Variants in TPTE2 observed in about 807,000 individuals in gnomAD.
TPTE2 encodes phosphatidylinositol 3,4,5-trisphosphate 3-phosphatase TPTE2.
In TPTE2, 53 loss-of-function variants were observed where a neutral mutation model predicts 78.6. The ratio of observed to expected loss-of-function variants is 0.67; its 90% CI spans 0.54 to 0.85. The LOEUF (loss-of-function observed/expected upper bound fraction) is 0.85, where lower values mean the gene tolerates loss of function less well. TPTE2 is among the 40% of genes least tolerant of loss of function. The pLI is 0.00. For missense variants in TPTE2, 461 were observed against 623.0 expected (o/e 0.74, Z 2.77); for synonymous variants, 175 against 206.2 (o/e 0.85, Z 1.30).
chr13:19,479,639 C>CA (rs1352164702), intron 4 of TPTE2, among the ~76,000 whole-genome samples: 1 of 152,060 alleles, frequency 6.6e-6, no homozygotes, highest in East Asian at 1.9e-4. Flanking sequence ...TTACATGTGA[C>CA]AAAAACTAAA....
At chr13:19,503,976 G>A (rs1593405552), upstream of TPTE2, among the ~76,000 whole-genome samples, 1 of 151,882 alleles carries the variant, frequency 6.6e-6, no homozygotes, top group African/African-American at 2.4e-5. Context: ...TCCTGATCTC[G>A]TGATCCACCC....
the TPTE2 span, among the ~76,000 whole-genome samples, chr13:19,561,504 T>C: frequency 4.0e-5 from 6 of 151,748 alleles, no homozygotes; most frequent in Non-Finnish European, 8.8e-5. Context: ...CGCTACCAGG[T>C]TATCAGGAAG....
chr13:19,492,976 T>C (rs1881088320), intron 2 of TPTE2, 73 bp from the exon 6 acceptor site: 2 of 1,590,022 alleles, frequency 1.3e-6, no homozygotes, highest in Admixed American at 3.4e-5. Flanking sequence ...AAATTAGCTT[T>C]TATTACTCTA....
chr13:19,492,356 T>C (rs1482338131), intron 3 of TPTE2, among the ~76,000 whole-genome samples: 1 of 152,178 alleles, frequency 6.6e-6, no homozygotes, highest in Non-Finnish European at 1.5e-5. Flanking sequence ...TCTGTTCTTT[T>C]TTTCCCAGGG....
intron 10 of TPTE2, chr13:19,458,585 A>G (rs1878689478): frequency 8.9e-6 from 4 of 449,460 alleles, no homozygotes; most frequent in Non-Finnish European, 1.8e-5. Context: ...AGATAATCCA[A>G]TGGCCTGACC....
chr13:19,530,006 A>G (rs1410755549), intron 1 of TPTE2, among the ~76,000 whole-genome samples: 2 of 152,046 alleles, frequency 1.3e-5, no homozygotes, highest in African/African-American at 4.8e-5. Flanking sequence ...TACCACTCCA[A>G]CATTCCTGCA....
At chr13:19,455,961 T>G (rs1479853943) in intron 10 of TPTE2, among the ~76,000 whole-genome samples, 2 of 152,164 alleles carry the variant, frequency 1.3e-5, no homozygotes, top group Non-Finnish European at 2.9e-5. Context: ...TGAAATTCTT[T>G]CCACGTGGGT....
intron 13 of TPTE2, among the ~76,000 whole-genome samples, chr13:19,446,483 C>T (rs1877844282): frequency 6.6e-6 from 1 of 152,102 alleles, no homozygotes; most frequent in Admixed American, 6.6e-5. Context: ...CCCCCAACTT[C>T]CAATTAGATT....
chr13:19,551,327 C>T, the TPTE2 span, among the ~76,000 whole-genome samples: 3 of 152,102 alleles, frequency 2.0e-5, no homozygotes, highest in Admixed American at 6.5e-5. Context: ...TGGTGGTTCA[C>T]GCCTGTAATC....
intron 1 of TPTE2, among the ~76,000 whole-genome samples, chr13:19,498,316 C>T (rs1045404016): frequency 2.0e-5 from 3 of 150,984 alleles, no homozygotes; most frequent in African/African-American, 4.9e-5. Flanking sequence ...AGATACTCCT[C>T]GAGAAGAGCA....
chr13:19,437,038 G>GACACACACACACAC lies in TPTE2; in HGVS notation c.1036-746_1036-733dup, dbSNP rs376691875. On this transcript the variant is annotated intron_variant, in intron 14 of 19. Coordinates refer to ENST00000400230, the Ensembl canonical transcript of TPTE2. Reference sequence around the variant, plus strand: ...GCAATCCACATTAATAAACCTAGGAGACACACACACACACACACACACACA... The same window carrying GACACACACACACAC: ...GCAATCCACATTAATAAACCTAGGAGACACACACACACACACACACACACACACACACACACACA... 6.8e-3 allele frequency among the ~76,000 whole-genome samples: 996 copies of GACACACACACACAC among 145,834 alleles called. 8 individuals carry two copies. Among genetic ancestry groups the GACACACACACACAC allele is most frequent in the Admixed American group, 9.4e-3 (136 of 14,488 alleles).
At chr13:19,428,257 T>G (rs1876294239) in intron 17 of TPTE2, among the ~76,000 whole-genome samples, 1 of 152,118 alleles carries the variant, frequency 6.6e-6, no homozygotes, top group African/African-American at 2.4e-5. Flanking sequence ...GAGACCAGCC[T>G]GACCAACATG....
chr13:19,464,516 A>G, exon 10 of TPTE2: 2 of 1,612,682 alleles, frequency 1.2e-6, no homozygotes, highest in Non-Finnish European at 1.7e-6. Flanking sequence ...TAGCAATAAT[A>G]CGTTCTGAAA....
At chr13:19,560,426 C>T in the TPTE2 span, 92 of 1,608,654 alleles carry the variant, frequency 5.7e-5, no homozygotes, top group East Asian at 7.1e-4. Context: ...AAGTCCTCAG[C>T]GAAGGCCAAC....
chr13:19,427,090 T>C (rs1269505432), intron 17 of TPTE2, among the ~76,000 whole-genome samples: 3 of 129,664 alleles, frequency 2.3e-5, no homozygotes, highest in Non-Finnish European at 4.9e-5. Context: ...TTTTTTTTTT[T>C]TTTTTTTTTT....
chr13:19,436,278 C>T lies in TPTE2; in HGVS notation c.1064G>A (p.Arg355Gln), dbSNP rs555497368. 2.6e-5 allele frequency: 42 copies of T among 1,613,222 alleles called. No individual in the cohort carries two copies. In the South Asian group the frequency reaches 3.1e-4, roughly 12 times the overall value. Residue 355 changes from arginine (R) to glutamine (Q), a missense_variant, in exon 15 of 20, where the codon CGA becomes CAA. Transcript: ENST00000400230. ...TTTATTGCTGTGGGTTTTATTGGTT[C>T]GCCTTTCTCCAAAATAATATAGGCT...
At chr13:19,556,879 T>C in the TPTE2 span, among the ~76,000 whole-genome samples, 4 of 150,984 alleles carry the variant, frequency 2.6e-5, no homozygotes, top group Non-Finnish European at 5.9e-5. Flanking sequence ...ACCATTTGTA[T>C]TGAGTTTCTT....
intron 15 of TPTE2, among the ~76,000 whole-genome samples, chr13:19,435,613 T>C (rs1877019969): frequency 6.6e-6 from 1 of 152,138 alleles, no homozygotes; most frequent in Non-Finnish European, 1.5e-5. Flanking sequence ...AGTAACAGTG[T>C]ATATTTCATA....
intron 19 of TPTE2, 47 bp downstream of exon 22, chr13:19,424,900 G>T: frequency 8.7e-7 from 1 of 1,149,144 alleles, no homozygotes; most frequent in Non-Finnish European, 1.2e-6. Flanking sequence ...CTTATTTATA[G>T]ACATTGAAGA....
Sources: allele counts gnomAD v4.1 joint callset (sites outside exome capture counted in the v4.1 genomes callset), GRCh38; gene constraint gnomAD v4.1.1; transcripts MANE v1.5; gene names NCBI Gene and HGNC (gene_info 2026-07-23, HGNC 2026-07-21).